Variants in ZFR2 observed in about 807,000 individuals in gnomAD.
ZFR2 encodes zinc finger RNA-binding protein 2.
A neutral mutation model predicts 105.7 loss-of-function variants in ZFR2; 104 were observed. That is an observed-to-expected ratio of 0.98 (90% CI 0.84 to 1.16). The LOEUF is 1.16. Ranked by LOEUF, ZFR2 falls within the 50% of genes most tolerant of loss-of-function variation. The pLI is 0.00. For synonymous variants in ZFR2, 634 were observed against 597.7 expected (o/e 1.06, Z -0.89); for missense variants, 1,425 against 1,355.5 (o/e 1.05, Z -0.80).
chr19:3,839,362 G>A (rs1053822162), intron 1 of ZFR2, among the ~76,000 whole-genome samples: 4 of 151,500 alleles, frequency 2.6e-5, no homozygotes, highest in East Asian at 1.9e-4. Flanking sequence ...GTGAAACCCC[G>A]TCTCTATTAA....
chr19:3,840,140 C>T (rs191831171), intron 1 of ZFR2, among the ~76,000 whole-genome samples: 164 of 152,314 alleles, frequency 1.1e-3, no homozygotes, highest in African/African-American at 3.7e-3. Flanking sequence ...GTCCTCCTAC[C>T]TGGACAAAGG....
At chr19:3,824,347 A>C (rs1159694582) in intron 7 of ZFR2, among the ~76,000 whole-genome samples, 2 of 152,200 alleles carry the variant, frequency 1.3e-5, no homozygotes, top group African/African-American at 4.8e-5. Flanking sequence ...CGTGGAGGTA[A>C]AGCGAAGCAA....
In ZFR2 at chr19:3,832,023, A is replaced by T. The variant is rs576052839; in HGVS notation, c.380-145T>A. The T allele has an allele frequency of 4.8e-5, 29 of 599,658 alleles. No individual in the cohort carries two copies. In the South Asian group the frequency reaches 7.4e-4, roughly 15 times the overall value. The allele number at this position is 599,658 out of a possible 1,614,324, so 37.1% of individuals were successfully genotyped here. On this transcript the variant is annotated intron_variant, in intron 3 of 18. Coordinates refer to ENST00000262961, the MANE Select transcript of ZFR2 (RefSeq NM_015174.2). ...CCAGAGCCTTGGGCCAGGTGCTGGC[A>T]GCGACTCGCAGGTTACCTTGTGCCC...
In ZFR2 at chr19:3,816,852, G is replaced by A. The variant is rs1180024680; in HGVS notation, c.1932-7C>T. On this transcript the variant is annotated splice_polypyrimidine_tract_variant and splice_region_variant and intron_variant, in intron 12 of 18. Transcript: ENST00000262961. ...AGTCTGGGGGGCAACGCTGCTGTGG[G>A]GACAAAGCCACAGACGTGCGCCATC... The A allele has an allele frequency of 9.7e-6, 15 of 1,552,876 alleles. No individual in the cohort carries two copies. The highest frequency in any genetic ancestry group is 1.3e-5 in the Non-Finnish European group (15 of 1,148,424).
chr19:3,852,476 G>A (rs1313004457), intron 1 of ZFR2: 1 of 718,610 alleles, frequency 1.4e-6, no homozygotes, highest in Non-Finnish European at 2.6e-6. Context: ...GGTCCCATAA[G>A]ATGGAGCAGA....
rs190003383 is a variant in ZFR2 at position 3,822,789 on chromosome 19, C to T, written c.1371+457G>A. ...CCTCTTTGGCACGCACAAGGCCAAC[C>T]GGGGTCTGAACTGCCGCTGGCCTGG... On this transcript the variant is annotated intron_variant, in intron 8 of 18. Coordinates refer to ENST00000262961, the MANE Select transcript of ZFR2 (RefSeq NM_015174.2). Among the ~76,000 whole-genome samples the T allele has an allele frequency of 1.3e-4, 20 of 152,280 alleles. No homozygotes were observed. In the East Asian group the frequency reaches 3.3e-3, roughly 25 times the overall value.
At chr19:3,811,504 G>T in intron 14 of ZFR2, 138 bp from the exon 15 acceptor site, 2 of 729,744 alleles carry the variant, frequency 2.7e-6, no homozygotes, top group Non-Finnish European at 4.4e-6. Flanking sequence ...ACCCAGGCTG[G>T]AGTGCAGTGG....
intron 1 of ZFR2, among the ~76,000 whole-genome samples, chr19:3,844,334 A>T (rs991447337): frequency 3.3e-5 from 5 of 152,092 alleles, no homozygotes; most frequent in African/African-American, 7.2e-5. Flanking sequence ...AGTAACTTTT[A>T]AAAAAACATA....
At chr19:3,842,212 C>A (rs1373583830) in intron 1 of ZFR2, among the ~76,000 whole-genome samples, 1 of 151,840 alleles carries the variant, frequency 6.6e-6, no homozygotes, top group African/African-American at 2.4e-5. Flanking sequence ...GGGGGTCTTG[C>A]TGTGTTGGCC....
chr19:3,807,081 G>A (rs2037704517), intron 18 of ZFR2, 91 bp downstream of exon 18: 2 of 990,188 alleles, frequency 2.0e-6, no homozygotes, highest in East Asian at 2.7e-5. Context: ...GGGAGAGAAG[G>A]GGAAACCCAG....
chr19:3,835,261 G>A (rs1039128672), intron 1 of ZFR2, among the ~76,000 whole-genome samples: 12 of 152,280 alleles, frequency 7.9e-5, no homozygotes, highest in African/African-American at 2.2e-4. Context: ...TCTGACTTCC[G>A]CTTTGCAGAT....
chr19:3,843,017 C>T (rs1051679738), intron 1 of ZFR2, among the ~76,000 whole-genome samples: 5 of 152,202 alleles, frequency 3.3e-5, no homozygotes, highest in South Asian at 2.1e-4. Flanking sequence ...GGCAGTTGCT[C>T]GAAAGTTAAA....
intron 18 of ZFR2, 67 bp downstream of exon 18, chr19:3,807,105 A>T: frequency 8.1e-7 from 1 of 1,236,338 alleles, no homozygotes; most frequent in Non-Finnish European, 1.1e-6. Context: ...ATTTCGGGGA[A>T]CACTGCACAG....
Position 3,811,378 on chromosome 19 carries a change from A to T in ZFR2, c.2243-12T>A, listed in dbSNP as rs1212081947. On this transcript the variant is annotated splice_polypyrimidine_tract_variant and intron_variant, in intron 14 of 18. Transcript: ENST00000262961. ...AGGCTCCTCCACACCTTCTAGAAGA[A>T]AAACCTCGAGGTGTGCGGGGAAGGT... 6.4e-7 allele frequency: 1 copy of T among 1,571,874 alleles called. No homozygotes were observed. The highest frequency in any genetic ancestry group is 8.6e-7 in the Non-Finnish European group (1 of 1,160,244).
chr19:3,843,597 C>T (rs1428561669), intron 1 of ZFR2, among the ~76,000 whole-genome samples: 1 of 151,706 alleles, frequency 6.6e-6, no homozygotes, highest in Non-Finnish European at 1.5e-5. Flanking sequence ...CTTTGGGAGG[C>T]CGAGGCAGGC....
At chr19:3,859,049 A>T (rs1355732299) in intron 1 of ZFR2, among the ~76,000 whole-genome samples, 1 of 151,910 alleles carries the variant, frequency 6.6e-6, no homozygotes, top group Non-Finnish European at 1.5e-5. Flanking sequence ...GCCAAAGGAG[A>T]GTGACATTTG....
At chr19:3,836,770 G>A (rs775994084) in intron 1 of ZFR2, among the ~76,000 whole-genome samples, 1 of 152,188 alleles carries the variant, frequency 6.6e-6, no homozygotes, top group Non-Finnish European at 1.5e-5. Context: ...CTCATGTCAA[G>A]TGCAGGGGAG....
At chr19:3,846,254 G>A (rs1177278054) in intron 1 of ZFR2, among the ~76,000 whole-genome samples, 1 of 152,262 alleles carries the variant, frequency 6.6e-6, no homozygotes, top group Non-Finnish European at 1.5e-5. Flanking sequence ...TGGGATTACA[G>A]GCGTGAGCCA....
At chr19:3,826,186 T>C (rs889196089) in intron 6 of ZFR2, among the ~76,000 whole-genome samples, 1 of 152,082 alleles carries the variant, frequency 6.6e-6, no homozygotes, top group African/African-American at 2.4e-5. Flanking sequence ...CCCTCCTCCA[T>C]GCCTCCCTGC....
Sources: allele counts gnomAD v4.1 joint callset (sites outside exome capture counted in the v4.1 genomes callset), GRCh38; gene constraint gnomAD v4.1.1; transcripts MANE v1.5; gene names NCBI Gene and HGNC (gene_info 2026-07-23, HGNC 2026-07-21).